ZPBP: variants seen among roughly 807,000 people sequenced by gnomAD.
ZPBP encodes zona pellucida-binding protein 1.
A neutral mutation model predicts 44.8 loss-of-function variants in ZPBP; 26 were observed. That is an observed-to-expected ratio of 0.58 (90% confidence interval 0.43 to 0.81). The LOEUF is 0.81. ZPBP is among the 30% of genes least tolerant of loss of function. The probability of loss-of-function intolerance (pLI) is 0.00; values close to 1 mark genes in which losing one functional copy is unlikely to be tolerated. For missense variants in ZPBP, 409 were observed against 434.0 expected (o/e 0.94, Z 0.51); for synonymous variants, 174 against 153.2 (o/e 1.14, Z -1.00).
At chr7:49,848,077 G>A (rs532732951), downstream of ZPBP, among the ~76,000 whole-genome samples, 10 of 152,306 alleles carry the variant, frequency 6.6e-5, no homozygotes, top group South Asian at 2.1e-4. Context: ...GGTCTCAGTC[G>A]CTAATTAGAT....
intron 3 of ZPBP, among the ~76,000 whole-genome samples, chr7:50,071,076 A>T (rs559667563): frequency 1.5e-4 from 23 of 152,180 alleles, no homozygotes; most frequent in Non-Finnish European, 3.1e-4. Flanking sequence ...TCCTGTTCCA[A>T]TATCACTAAA....
Position 49,965,681 on chromosome 7 carries a change from TG to T in ZPBP, c.961+17660del, listed in dbSNP as rs1373233518. On this transcript the variant is annotated intron_variant, in intron 7 of 7. Transcript: ENST00000046087. ...GACTGTTTAATAAGCATAATAATAG[TG>T]TAGTGCAGGATTTGTGACATTAGGT... Among the ~76,000 whole-genome samples, 4 of 152,030 alleles carry T rather than the reference TG, an allele frequency of 2.6e-5. No individual in the cohort carries two copies. The South Asian group carries it at 8.3e-4, about 31-fold the overall frequency.
chr7:49,882,836 T>A (rs1791727088), intron 2 of ZPBP, among the ~76,000 whole-genome samples: 1 of 152,034 alleles, frequency 6.6e-6, no homozygotes, highest in African/African-American at 2.4e-5. Context: ...ACATCTTCTA[T>A]TTTTTGTGTT....
rs554441979 is a variant in ZPBP at position 50,024,670 on chromosome 7, G to C, written c.707-6354C>G. Among the ~76,000 whole-genome samples the C allele has an allele frequency of 1.1e-4, 16 of 152,018 alleles. No individual in the cohort carries two copies. The East Asian group carries it at 3.1e-3, about 29-fold the overall frequency. The stretch of plus-strand genomic sequence containing the variant: ...TGGTGGTTACCCAGGGGCAGGGCAG[G>C]GGTGGGAGTAATAAGGAGATGTGAA... On this transcript the variant is annotated intron_variant, in intron 5 of 7. Coordinates refer to ENST00000046087, the MANE Select transcript of ZPBP (RefSeq NM_007009.3).
chr7:50,010,017 T>C (rs576645430), intron 6 of ZPBP, among the ~76,000 whole-genome samples: 2 of 152,270 alleles, frequency 1.3e-5, no homozygotes, highest in East Asian at 3.9e-4. Context: ...ACATATCATG[T>C]TCATGGACTG....
chr7:50,091,143 C>T (rs1458870303), intron 1 of ZPBP, among the ~76,000 whole-genome samples: 2 of 151,658 alleles, frequency 1.3e-5, no homozygotes, highest in Admixed American at 6.6e-5. Context: ...TGTCCTTAGC[C>T]CACTTTTTGA....
chr7:49,987,922 G>C (rs1425669581), intron 6 of ZPBP, among the ~76,000 whole-genome samples: 2 of 152,078 alleles, frequency 1.3e-5, no homozygotes, highest in Non-Finnish European at 2.9e-5. Flanking sequence ...AAGACTATTG[G>C]TAAAATGCAG....
intron 4 of ZPBP, among the ~76,000 whole-genome samples, chr7:50,039,499 T>C (rs6583419): frequency 0.25 from 37,397 of 152,118 alleles, 5,685 homozygotes; most frequent in Non-Finnish European, 0.35. Context: ...TCTTCTACTC[T>C]TTTCCCTTTT....
intron 2 of ZPBP, among the ~76,000 whole-genome samples, chr7:50,082,460 A>G (rs1482955627): frequency 6.6e-6 from 1 of 151,896 alleles, no homozygotes; most frequent in Non-Finnish European, 1.5e-5. Context: ...AGTAAGCAAA[A>G]ATAGTATCCT....
chr7:50,056,022 G>A (rs747994325), intron 4 of ZPBP, among the ~76,000 whole-genome samples: 9 of 152,128 alleles, frequency 5.9e-5, no homozygotes, highest in Non-Finnish European at 1.3e-4. Flanking sequence ...TTGGCTACAT[G>A]GGAAAGTATT....
intron 7 of ZPBP, among the ~76,000 whole-genome samples, chr7:49,956,322 T>C (rs1488426872): frequency 3.3e-5 from 5 of 152,100 alleles, no homozygotes; most frequent in African/African-American, 7.2e-5. Flanking sequence ...TTGAAAAAAT[T>C]ATCATTTTAC....
chr7:49,867,130 CTCGAGAGAACA>C (rs1583709554), intron 2 of ZPBP, among the ~76,000 whole-genome samples: 2 of 152,288 alleles, frequency 1.3e-5, no homozygotes, highest in East Asian at 3.9e-4. Context: ...TGGGGAGCCT[CTCGAGAGAACA>C]ACACACACAG....
chr7:50,005,474 T>C (rs2128797364), intron 6 of ZPBP, among the ~76,000 whole-genome samples: 1 of 152,200 alleles, frequency 6.6e-6, no homozygotes, highest in South Asian at 2.1e-4. Context: ...TTGTAATTTG[T>C]GACATCAAAA....
Position 50,020,238 on chromosome 7 carries a change from C to T in ZPBP, c.707-1922G>A, listed in dbSNP as rs146229555. ...AAATGATTATGAGATTGAATCATCA[C>T]GATAATGTAAAATTTTCTTACTTTT... is the stretch of plus-strand genomic sequence containing the variant. On this transcript the variant is annotated intron_variant, in intron 5 of 7. Coordinates refer to ENST00000046087, the MANE Select transcript of ZPBP (RefSeq NM_007009.3). Among the ~76,000 whole-genome samples the T allele has an allele frequency of 1.5e-3, 224 of 151,996 alleles. 3 individuals are homozygous for T. The highest frequency in any genetic ancestry group is 5.1e-3 in the African/African-American group (213 of 41,484).
At chr7:50,054,125 A>G (rs1377363796) in intron 4 of ZPBP, among the ~76,000 whole-genome samples, 2 of 152,074 alleles carry the variant, frequency 1.3e-5, no homozygotes. Context: ...TCCTGGCCAT[A>G]AGTGATCCAC....
At chr7:50,072,770 T>C (rs899752815) in intron 3 of ZPBP, among the ~76,000 whole-genome samples, 6 of 152,244 alleles carry the variant, frequency 3.9e-5, no homozygotes, top group Non-Finnish European at 7.3e-5. Context: ...AACCAAAGCA[T>C]TACTGAGCTT....
chr7:49,943,685 C>T (rs1794982529), intron 7 of ZPBP: 1 of 277,964 alleles, frequency 3.6e-6, no homozygotes, highest in Non-Finnish European at 7.1e-6. Context: ...ACAAACATAA[C>T]GTGTTCCCAG....
intron 6 of ZPBP, among the ~76,000 whole-genome samples, chr7:49,992,651 G>C (rs1193188135): frequency 6.6e-6 from 1 of 152,076 alleles, no homozygotes; most frequent in Non-Finnish European, 1.5e-5. Flanking sequence ...CATTATTTTA[G>C]ATAACTTCAT....
chr7:49,907,099 A>G (rs1178146824), intron 1 of ZPBP, among the ~76,000 whole-genome samples: 1 of 152,226 alleles, frequency 6.6e-6, no homozygotes, highest in East Asian at 1.9e-4. Flanking sequence ...AAGCTGGGAC[A>G]TGTTTTTAGG....
Sources: gnomAD v4.1 joint callset for allele counts (sites outside exome capture counted in the v4.1 genomes callset) on GRCh38, gnomAD v4.1.1 for gene constraint, MANE v1.5 for transcripts, NCBI Gene and HGNC (gene_info 2026-07-23, HGNC 2026-07-21) for gene names.